The following ELP2 variants were observed in gnomAD, a reference collection of about 807,000 sequenced individuals.
The protein encoded by ELP2 is elongator complex protein 2.
In ELP2, 90 loss-of-function variants were observed where a neutral mutation model predicts 119.2. The ratio of observed to expected loss-of-function variants is 0.75; its 90% CI spans 0.64 to 0.90. The LOEUF (loss-of-function observed/expected upper bound fraction) is 0.90, where lower values mean the gene tolerates loss of function less well. Ranked by LOEUF, ELP2 falls within the 40% of genes least tolerant of loss-of-function variation. The probability of loss-of-function intolerance (pLI) is 0.00; values close to 1 mark genes in which losing one functional copy is unlikely to be tolerated. For missense variants in ELP2, 921 were observed against 967.8 expected, an observed-to-expected ratio of 0.95 and a Z score of 0.64; for synonymous variants, 339 against 331.0, an observed-to-expected ratio of 1.02 and a Z score of -0.26.
At position 36,142,810 on chromosome 18, in the gene ELP2, CTTA is replaced by C; in HGVS notation, c.656-13_656-11del. The C allele has an allele frequency of 1.9e-6, 3 of 1,556,492 alleles. No individual in the cohort carries two copies. The highest frequency in any genetic ancestry group is 2.6e-6 in the Non-Finnish European group (3 of 1,135,050). On this transcript the variant is annotated splice_polypyrimidine_tract_variant and intron_variant, in intron 7 of 21. Coordinates refer to ENST00000358232, the MANE Select transcript of ELP2 (RefSeq NM_018255.4). ...ATATAATGTTTTAAAATTAATACAA[CTTA>C]TTTTTTAATTAGGTAGAGATCTTTT...
chr18:36,153,222 T>C (rs2090458249), intron 11 of ELP2, among the ~76,000 whole-genome samples: 1 of 152,202 alleles, frequency 6.6e-6, no homozygotes, highest in Non-Finnish European at 1.5e-5. Context: ...GAACCAACTC[T>C]TGGAGTTGGA....
chr18:36,131,025 AT>A (rs1232168109), intron 1 of ELP2, among the ~76,000 whole-genome samples: 1 of 151,906 alleles, frequency 6.6e-6, no homozygotes, highest in Non-Finnish European at 1.5e-5. Flanking sequence ...AAAAAAAAAA[AT>A]AGCTGGTTGT....
chr18:36,155,758 T>C (rs1157605163), intron 12 of ELP2, among the ~76,000 whole-genome samples: 2 of 152,182 alleles, frequency 1.3e-5, no homozygotes, highest in East Asian at 3.9e-4. Context: ...AGTTTCGTTA[T>C]GTCTTGTAAT....
Position 36,174,796 on chromosome 18 carries a change from A to G in ELP2, c.*155A>G. 1 of 683,084 alleles carries G rather than the reference A, an allele frequency of 1.5e-6. No individual in the cohort carries two copies. The highest frequency in any genetic ancestry group is 2.5e-6 in the Non-Finnish European group (1 of 407,684). 42.3% of individuals were successfully genotyped at this position (683,084 alleles called of 1,614,324 possible). On this transcript the variant is annotated 3_prime_UTR_variant, in exon 22 of 22. Coordinates refer to ENST00000358232, the MANE Select transcript of ELP2 (RefSeq NM_018255.4). ...GTCACAACCTCCACCTCCCAGGTTC[A>G]AGCGATTCTCTTTCTTCAGCCTCCT...
rs1389631314 is a variant in ELP2 at position 36,174,380 on chromosome 18, T to C, written c.2325-105T>C. The C allele has an allele frequency of 3.6e-6, 4 of 1,100,360 alleles. No individual in the cohort carries two copies. The East Asian group carries it at 1.0e-4, about 29-fold the overall frequency. 68.2% of individuals were successfully genotyped at this position (1,100,360 alleles called of 1,614,324 possible). On this transcript the variant is annotated intron_variant, in intron 21 of 21. Coordinates refer to ENST00000358232, the MANE Select transcript of ELP2 (RefSeq NM_018255.4). Reference sequence around the variant, plus strand: ...AATAAAATGGCTAAAATGTTAATGATGCGATTTTAAAACCTGTACATTTCA... The same window carrying C: ...AATAAAATGGCTAAAATGTTAATGACGCGATTTTAAAACCTGTACATTTCA...
In ELP2 at chr18:36,164,565, A is replaced by G. The variant is rs1242579852; in HGVS notation, c.1852A>G (p.Thr618Ala). ...QNLVFHSLTV[T>A]QMAFSPNEKF... ...TTTAGTTTTCCACAGTTTGACAGTC[A>G]CGCAGATGGCCTTCTCACCTAATGA... is the stretch of plus-strand genomic sequence containing the variant. The change falls in exon 18 of 22, where the codon ACG becomes GCG. Residue 618 changes from threonine (T) to alanine (A), a missense_variant. Physicochemically the swap from Thr to Ala is moderately conservative, Grantham distance 58. Transcript: ENST00000358232. 8 of 1,614,018 alleles carry G rather than the reference A, an allele frequency of 5.0e-6. No individual in the cohort carries two copies. In the East Asian group the frequency reaches 1.6e-4, roughly 31 times the overall value.
chr18:36,139,440 T>G (rs1193262335), intron 5 of ELP2: 6 of 1,535,590 alleles, frequency 3.9e-6, no homozygotes, highest in Non-Finnish European at 5.2e-6. Flanking sequence ...ACTGGCCAGG[T>G]GGAACGAGGC....
chr18:36,138,123 C>G (rs1163452346), intron 3 of ELP2, 147 bp from the exon 4 acceptor site: 4 of 705,412 alleles, frequency 5.7e-6, no homozygotes, highest in Non-Finnish European at 7.1e-6. Flanking sequence ...GTGTTGTTAA[C>G]ATGGTCAGAC....
At chr18:36,134,035 G>C (rs565242629) in intron 2 of ELP2, among the ~76,000 whole-genome samples, 64 of 147,946 alleles carry the variant, frequency 4.3e-4, no homozygotes, top group Admixed American at 6.9e-4. Context: ...TTGCTCTGTA[G>C]CCCAGGCTTG....
intron 17 of ELP2, among the ~76,000 whole-genome samples, chr18:36,164,261 A>G (rs190028650): frequency 3.0e-4 from 45 of 152,268 alleles, no homozygotes; most frequent in East Asian, 2.7e-3. Context: ...ACATGATACT[A>G]TAGTCCCTGA....
intron 1 of ELP2, among the ~76,000 whole-genome samples, chr18:36,132,924 G>A (rs950615263): frequency 6.6e-6 from 1 of 152,066 alleles, no homozygotes; most frequent in Non-Finnish European, 1.5e-5. Flanking sequence ...GTCAGGACAG[G>A]CTGCCTAGGT....
At chr18:36,174,269 A>C (rs2091167511) in intron 21 of ELP2, among the ~76,000 whole-genome samples, 1 of 151,934 alleles carries the variant, frequency 6.6e-6, no homozygotes, top group Non-Finnish European at 1.5e-5. Flanking sequence ...TGTCTTGCTC[A>C]TTTTGGTGAT....
chr18:36,158,777 A>G (rs2090643792), intron 13 of ELP2, 58 bp from the exon 14 acceptor site: 1 of 1,268,074 alleles, frequency 7.9e-7, no homozygotes. Context: ...TTTTAGTTTT[A>G]AAATTAGCAA....
chr18:36,149,471 G>GTTTTTT lies in ELP2; in HGVS notation c.1125+3091_1125+3096dup, dbSNP rs1457178336. Reference sequence around the variant, plus strand: ...CAAGACTTAGAAACATAGTTGCAGGGTTTTTTGTTTTGTTTTGTTTTTTTT... The same window carrying GTTTTTT: ...CAAGACTTAGAAACATAGTTGCAGGGTTTTTTTTTTTTGTTTTGTTTTGTTTTTTTT... On this transcript the variant is annotated intron_variant, in intron 11 of 21. Transcript: ENST00000358232. Among the ~76,000 whole-genome samples the GTTTTTT allele has an allele frequency of 1.8e-4, 12 of 66,908 alleles. 1 individual carries two copies. Among genetic ancestry groups the GTTTTTT allele is most frequent in the African/African-American group, 4.8e-4 (11 of 22,946 alleles). 43.9% of individuals were successfully genotyped at this position (66,908 alleles called of 152,430 possible).
chr18:36,151,936 G>A (rs1188378883), intron 11 of ELP2, among the ~76,000 whole-genome samples: 5 of 147,344 alleles, frequency 3.4e-5, no homozygotes, highest in Admixed American at 6.8e-5. Context: ...GTATTTTTAG[G>A]AGAGACGGAG....
rs764063900 is a variant in ELP2 at position 36,174,725 on chromosome 18, A to T, written c.*84A>T. 7.4e-7 allele frequency: 1 copy of T among 1,360,506 alleles called. No individual in the cohort carries two copies. Among genetic ancestry groups the T allele is most frequent in the Middle Eastern group, 1.9e-4 (1 of 5,296 alleles). 84.3% of individuals were successfully genotyped at this position (1,360,506 alleles called of 1,614,324 possible). On this transcript the variant is annotated 3_prime_UTR_variant, in exon 22 of 22. Transcript: ENST00000358232. Reference sequence around the variant, plus strand: ...AGGTCATCTTTACCTTCATAACTGAATTGAGTTTCTGGGTTTTTTTTTTTT... The same window carrying T: ...AGGTCATCTTTACCTTCATAACTGATTTGAGTTTCTGGGTTTTTTTTTTTT...
intron 11 of ELP2, among the ~76,000 whole-genome samples, chr18:36,153,901 A>T (rs1385725248): frequency 6.6e-6 from 1 of 151,964 alleles, no homozygotes; most frequent in Non-Finnish European, 1.5e-5. Context: ...GTTACAGTCA[A>T]GGACGATTTT....
rs1432670797 is a variant in ELP2, at chr18:36,130,215, C to G, written c.138+144C>G. ...GGAGCGGGGTTTGGGCTCGGAGTCT[C>G]CAGTGGACCTGCCGGACTCGCTCCT... is the stretch of plus-strand genomic sequence containing the variant. On this transcript the variant is annotated intron_variant, in intron 1 of 21. Transcript: ENST00000358232. 2.8e-5 allele frequency: 29 copies of G among 1,021,004 alleles called. No homozygotes were observed. The East Asian group carries it at 7.2e-4, about 26-fold the overall frequency. The allele number at this position is 1,021,004 out of a possible 1,614,324, so 63.2% of individuals were successfully genotyped here.
chr18:36,155,031 C>T, intron 12 of ELP2, 32 bp downstream of exon 12: 1 of 1,579,614 alleles, frequency 6.3e-7, no homozygotes, highest in African/African-American at 1.4e-5. Flanking sequence ...TTTATTTTTT[C>T]TTGGGACAGA....
Sources: allele counts gnomAD v4.1 joint callset (sites outside exome capture counted in the v4.1 genomes callset), GRCh38; gene constraint gnomAD v4.1.1; transcripts MANE v1.5; gene names NCBI Gene and HGNC (gene_info 2026-07-23, HGNC 2026-07-21).